Variants in CSMD1 observed in about 807,000 individuals in gnomAD.
The protein encoded by CSMD1 is CUB and sushi domain-containing protein 1.
Under a neutral mutation model 417.5 loss-of-function variants are expected in CSMD1, and 213 were observed. That is an observed-to-expected ratio of 0.51 (90% confidence interval 0.46 to 0.57). The LOEUF (loss-of-function observed/expected upper bound fraction) is 0.57, where lower values mean the gene tolerates loss of function less well. CSMD1 is among the 20% of genes least tolerant of loss of function. CSMD1 has a pLI of 0.00. For synonymous variants in CSMD1, 2,862 were observed against 1,736.8 expected (o/e 1.65, Z -16.11); for missense variants, 6,923 against 4,529.7 (o/e 1.53, Z -15.17).
intron 1 of CSMD1, among the ~76,000 whole-genome samples, chr8:4,754,515 A>C (rs753121615): frequency 6.6e-5 from 10 of 151,856 alleles, no homozygotes; most frequent in Non-Finnish European, 1.2e-4. Context: ...ATGCACTCCC[A>C]AAATTAGCGT....
At chr8:4,103,014 T>C (rs1044746819) in intron 3 of CSMD1, among the ~76,000 whole-genome samples, 4 of 152,218 alleles carry the variant, frequency 2.6e-5, no homozygotes, top group Non-Finnish European at 5.9e-5. Context: ...AACTTTTTAC[T>C]CTTTGACATT....
At chr8:3,885,147 T>C (rs1227028978) in intron 5 of CSMD1, among the ~76,000 whole-genome samples, 2 of 152,016 alleles carry the variant, frequency 1.3e-5, no homozygotes, top group Non-Finnish European at 2.9e-5. Flanking sequence ...CAAGATCCCA[T>C]CTCGTGACTG....
At chr8:4,910,248 T>G (rs1805572156) in intron 1 of CSMD1, among the ~76,000 whole-genome samples, 1 of 152,090 alleles carries the variant, frequency 6.6e-6, no homozygotes, top group Non-Finnish European at 1.5e-5. Flanking sequence ...TATTTACACT[T>G]CCATTGTATT....
chr8:4,465,989 G>T (rs1312887023), intron 2 of CSMD1, among the ~76,000 whole-genome samples: 1 of 152,310 alleles, frequency 6.6e-6, no homozygotes, highest in South Asian at 2.1e-4. Flanking sequence ...GATGGGAAAA[G>T]ACTGAGACAT....
chr8:3,838,806 ATAATTATATATACTATTAATATATAATAT>A (rs1452172798), intron 5 of CSMD1, among the ~76,000 whole-genome samples: 1 of 104,384 alleles, frequency 9.6e-6, no homozygotes, highest in Non-Finnish European at 1.7e-5. Context: ...ATAATATATA[ATAATTATATATACTATTAATATATAATAT>A]TAATTATATA....
At chr8:3,815,455 C>T (rs1463658068) in intron 5 of CSMD1, among the ~76,000 whole-genome samples, 2 of 151,998 alleles carry the variant, frequency 1.3e-5, no homozygotes, top group Non-Finnish European at 2.9e-5. Flanking sequence ...TTGTGCCAGT[C>T]CCTCAGGTTT....
chr8:3,067,014 C>T (rs996927093), intron 49 of CSMD1, among the ~76,000 whole-genome samples: 3 of 152,142 alleles, frequency 2.0e-5, no homozygotes, highest in Non-Finnish European at 2.9e-5. Flanking sequence ...CAGAGGTTAA[C>T]TGATTTACCA....
chr8:4,036,605 G>A (rs7012331), intron 3 of CSMD1, among the ~76,000 whole-genome samples: 1 of 152,272 alleles, frequency 6.6e-6, no homozygotes, highest in East Asian at 1.9e-4. Flanking sequence ...GAAAAATTAA[G>A]GCAGATGTTA....
chr8:3,952,995 T>G (rs892789364), intron 5 of CSMD1, among the ~76,000 whole-genome samples: 1 of 150,902 alleles, frequency 6.6e-6, no homozygotes, highest in Non-Finnish European at 1.5e-5. Context: ...ATTAGAAAAA[T>G]AACATTATTT....
At chr8:3,077,869 C>T (rs1363360575) in intron 49 of CSMD1, among the ~76,000 whole-genome samples, 7 of 152,238 alleles carry the variant, frequency 4.6e-5, no homozygotes, top group African/African-American at 1.7e-4. Flanking sequence ...GGGCATTTCA[C>T]TGTCTTTACT....
chr8:4,889,282 T>A (rs1803953131), intron 1 of CSMD1, among the ~76,000 whole-genome samples: 1 of 152,072 alleles, frequency 6.6e-6, no homozygotes, highest in Admixed American at 6.5e-5. Context: ...TAGCCTAAAT[T>A]GAATCATGAG....
chr8:3,661,526 C>T (rs2623629), intron 7 of CSMD1, among the ~76,000 whole-genome samples: 69,776 of 151,472 alleles, frequency 0.46, 17,786 homozygotes, highest in East Asian at 0.84. Context: ...AGACTGAGTC[C>T]CACTTTATCA....
chr8:3,162,145 GAGA>G lies in CSMD1; in HGVS notation c.5844+11_5844+13del, dbSNP rs980215316. The G allele has an allele frequency of 2.6e-6, 4 of 1,530,414 alleles. No homozygotes were observed. Among genetic ancestry groups the G allele is most frequent in the Non-Finnish European group, 3.6e-6 (4 of 1,113,550 alleles). The allele number at this position is 1,530,414 out of a possible 1,614,324, so 94.8% of individuals were successfully genotyped here. A position where few individuals can be genotyped will look rare whatever the true frequency, so the allele number is the denominator to read the frequency against. ...CATGTGTATGTTATTCCTGAGCACT[GAGA>G]AGAAGGATACCTGCAGGGTGTACCC... On this transcript the variant is annotated intron_variant, in intron 38 of 69. Transcript: ENST00000635120.
At chr8:4,843,902 T>C (rs145634436) in intron 1 of CSMD1, among the ~76,000 whole-genome samples, 11 of 152,264 alleles carry the variant, frequency 7.2e-5, no homozygotes, top group African/African-American at 2.6e-4. Context: ...AGTGAGCTCT[T>C]TTCTGGGTGC....
At chr8:4,406,544 G>C (rs1029731954) in intron 3 of CSMD1, among the ~76,000 whole-genome samples, 16 of 152,134 alleles carry the variant, frequency 1.1e-4, no homozygotes, top group African/African-American at 3.9e-4. Flanking sequence ...AGTTTGAGGA[G>C]CACAGAGTCC....
At chr8:3,731,458 C>T (rs1796253772) in intron 6 of CSMD1, among the ~76,000 whole-genome samples, 1 of 152,094 alleles carries the variant, frequency 6.6e-6, no homozygotes, top group South Asian at 2.1e-4. Context: ...CAGTTTTAAC[C>T]CCTTCAATTC....
chr8:3,027,783 T>C (rs1273379003), intron 51 of CSMD1, among the ~76,000 whole-genome samples: 9 of 152,150 alleles, frequency 5.9e-5, no homozygotes, highest in Non-Finnish European at 1.2e-4. Flanking sequence ...AAAACAGACT[T>C]TCTAGAATTT....
At chr8:4,045,455 G>T (rs1337220206) in intron 3 of CSMD1, among the ~76,000 whole-genome samples, 6 of 152,178 alleles carry the variant, frequency 3.9e-5, no homozygotes, top group Non-Finnish European at 7.3e-5. Context: ...AACGTCGGAA[G>T]GGCCACTGGT....
chr8:4,366,142 G>C (rs977586229), intron 3 of CSMD1, among the ~76,000 whole-genome samples: 6 of 152,182 alleles, frequency 3.9e-5, no homozygotes, highest in Non-Finnish European at 8.8e-5. Context: ...ACTGTCTTCA[G>C]TGTTTCACTC....
Sources: allele counts gnomAD v4.1 joint callset (sites outside exome capture counted in the v4.1 genomes callset), GRCh38; gene constraint gnomAD v4.1.1; transcripts MANE v1.5; gene names NCBI Gene and HGNC (gene_info 2026-07-23, HGNC 2026-07-21).